Variants in WWOX observed in about 807,000 individuals in gnomAD.
WWOX encodes the protein WW domain containing oxidoreductase.
A neutral mutation model predicts 46.2 loss-of-function variants in WWOX; 69 were observed. The observed-to-expected ratio is 1.49, with a 90% CI of 1.23 to 1.82. WWOX has a LOEUF of 1.82. Ranked by LOEUF, WWOX falls within the 40% of genes most tolerant of loss-of-function variation. WWOX has a pLI of 0.00. For missense variants in WWOX, 919 were observed against 542.6 expected (o/e 1.69, Z -6.89); for synonymous variants, 359 against 202.6 (o/e 1.77, Z -6.56).
intron 8 of WWOX, among the ~76,000 whole-genome samples, chr16:78,719,041 G>A (rs988678838): frequency 1.3e-5 from 2 of 152,142 alleles, no homozygotes; most frequent in Non-Finnish European, 2.9e-5. Flanking sequence ...GGGACAAGTA[G>A]AACTTAGTTC....
intron 8 of WWOX, among the ~76,000 whole-genome samples, chr16:78,854,472 C>G (rs1167386803): frequency 6.6e-6 from 1 of 152,194 alleles, no homozygotes; most frequent in African/African-American, 2.4e-5. Context: ...AAATATGTAG[C>G]CAGTTAATAT....
chr16:78,953,484 A>G (rs565509300), intron 8 of WWOX, among the ~76,000 whole-genome samples: 7 of 152,076 alleles, frequency 4.6e-5, no homozygotes, highest in Non-Finnish European at 1.0e-4. Context: ...TGCAGTTTAA[A>G]TTGCTGATTT....
chr16:78,616,056 A>G lies in WWOX; in HGVS notation c.1056+183304A>G, dbSNP rs117418239. ...TGAACTACTGTGCCTGGCCAGGATA[A>G]TCTTTAAGAAGAAGATAACATTAGC... On this transcript the variant is annotated intron_variant, in intron 8 of 8. Transcript: ENST00000566780. Among the ~76,000 whole-genome samples, 256 of 152,070 alleles carry G rather than the reference A, an allele frequency of 1.7e-3. 1 individual carries two copies. Among genetic ancestry groups the G allele is most frequent in the Non-Finnish European group, 2.0e-3 (134 of 67,986 alleles).
rs2046488207 is a variant in WWOX, at chr16:78,633,419, C to T, written c.1056+200667C>T. ...ACCCCTCCCTCTCCACCCTTCCTGT[C>T]TTCAAGCCTGAGCAGGTGATACTGC... On this transcript the variant is annotated intron_variant, in intron 8 of 8. Transcript: ENST00000566780. 2.0e-5 allele frequency among the ~76,000 whole-genome samples: 3 copies of T among 152,320 alleles called. No homozygotes were observed. The South Asian group carries it at 6.2e-4, about 32-fold the overall frequency.
chr16:79,110,007 G>C (rs1333199358), intron 8 of WWOX, among the ~76,000 whole-genome samples: 2 of 152,178 alleles, frequency 1.3e-5, no homozygotes, highest in African/African-American at 4.8e-5. Flanking sequence ...TGTCGCAAGG[G>C]CTTTGGGAAA....
intron 8 of WWOX, among the ~76,000 whole-genome samples, chr16:79,186,421 A>G (rs547979402): frequency 6.6e-6 from 1 of 152,254 alleles, no homozygotes; most frequent in African/African-American, 2.4e-5. Flanking sequence ...TGCAGCTGCA[A>G]CTATCTGACC....
chr16:78,889,192 A>T (rs933988083), intron 8 of WWOX, among the ~76,000 whole-genome samples: 2 of 152,294 alleles, frequency 1.3e-5, no homozygotes, highest in Admixed American at 1.3e-4. Context: ...GGATTGGCAA[A>T]TGACAGTCAT....
intron 8 of WWOX, among the ~76,000 whole-genome samples, chr16:78,532,749 A>C (rs561070201): frequency 6.6e-6 from 1 of 152,268 alleles, no homozygotes; most frequent in African/African-American, 2.4e-5. Flanking sequence ...TGATACCGTC[A>C]GATTCCTTGA....
chr16:78,262,487 T>G (rs753528512), intron 5 of WWOX, among the ~76,000 whole-genome samples: 6 of 152,212 alleles, frequency 3.9e-5, no homozygotes, highest in African/African-American at 1.4e-4. Flanking sequence ...CTAGTCCTTA[T>G]GCTGAGGTTT....
chr16:78,949,946 A>C (rs2046024972), intron 8 of WWOX, among the ~76,000 whole-genome samples: 2 of 152,230 alleles, frequency 1.3e-5, no homozygotes, highest in African/African-American at 4.8e-5. Flanking sequence ...GGATATGTGA[A>C]GCACTTTTCA....
intron 8 of WWOX, among the ~76,000 whole-genome samples, chr16:78,602,134 A>G (rs988612424): frequency 1.3e-5 from 2 of 152,212 alleles, no homozygotes; most frequent in African/African-American, 2.4e-5. Flanking sequence ...TCACACTAGT[A>G]GAATCTCTCT....
At chr16:78,826,536 C>T (rs73577454) in intron 8 of WWOX, among the ~76,000 whole-genome samples, 40 of 152,312 alleles carry the variant, frequency 2.6e-4, no homozygotes, top group African/African-American at 8.9e-4. Context: ...AGCCACATGG[C>T]CTTCTCCTCT....
At chr16:78,252,510 C>T (rs2038010747) in intron 5 of WWOX, among the ~76,000 whole-genome samples, 2 of 152,330 alleles carry the variant, frequency 1.3e-5, no homozygotes, top group African/African-American at 4.8e-5. Context: ...GCCTTCCAAA[C>T]AAGTACACTA....
chr16:78,378,253 T>C (rs2081876210), intron 5 of WWOX, among the ~76,000 whole-genome samples: 1 of 152,162 alleles, frequency 6.6e-6, no homozygotes, highest in Non-Finnish European at 1.5e-5. Context: ...ATGTGTCAAG[T>C]CAGTGAAGAG....
At chr16:78,563,518 CTTT>C (rs59076103) in intron 8 of WWOX, among the ~76,000 whole-genome samples, 1 of 133,082 alleles carries the variant, frequency 7.5e-6, no homozygotes, top group Admixed American at 7.6e-5. Context: ...CACACACACG[CTTT>C]TTTTTTTTTT....
At chr16:78,721,201 T>G (rs1176288038) in intron 8 of WWOX, among the ~76,000 whole-genome samples, 1 of 152,216 alleles carries the variant, frequency 6.6e-6, no homozygotes, top group Non-Finnish European at 1.5e-5. Flanking sequence ...TAGGCCATTA[T>G]ACTTTCTACA....
intron 8 of WWOX, among the ~76,000 whole-genome samples, chr16:78,827,819 C>T (rs550426577): frequency 2.0e-5 from 3 of 152,200 alleles, no homozygotes; most frequent in Admixed American, 6.5e-5. Context: ...CTAGCCTGGG[C>T]GGCAAGCAAG....
intron 8 of WWOX, chr16:78,825,914 A>C (rs536426211): frequency 1.4e-6 from 1 of 721,840 alleles, no homozygotes; most frequent in Non-Finnish European, 2.4e-6. Context: ...CATGGAACCC[A>C]AAGATGAGGT....
intron 5 of WWOX, among the ~76,000 whole-genome samples, chr16:78,271,005 T>C (rs1235707854): frequency 3.3e-5 from 5 of 152,196 alleles, no homozygotes; most frequent in Admixed American, 6.5e-5. Flanking sequence ...ATTTAGTGGT[T>C]TGAAAATATG....
Sources: gnomAD v4.1 joint callset for allele counts (sites outside exome capture counted in the v4.1 genomes callset) on GRCh38, gnomAD v4.1.1 for gene constraint, MANE v1.5 for transcripts, NCBI Gene and HGNC (gene_info 2026-07-23, HGNC 2026-07-21) for gene names.